The following ZNF274 variants were observed in gnomAD, a reference collection of about 807,000 sequenced individuals.
ZNF274 encodes zinc finger protein 274.
A neutral mutation model predicts 42.5 loss-of-function variants in ZNF274; 23 were observed. The ratio of observed to expected loss-of-function variants is 0.54; its 90% CI spans 0.39 to 0.77. ZNF274 has a LOEUF of 0.77. ZNF274 is among the 30% of genes least tolerant of loss of function. The probability of loss-of-function intolerance (pLI) is 0.00; values close to 1 mark genes in which losing one functional copy is unlikely to be tolerated. For missense variants in ZNF274, 679 were observed against 806.5 expected, an observed-to-expected ratio of 0.84 and a Z score of 1.91; for synonymous variants, 292 against 305.4, an observed-to-expected ratio of 0.96 and a Z score of 0.46.
At chr19:58,183,482 C>G (rs1202787634) in intron 1 of ZNF274, 40 bp downstream of exon 1, 1 of 153,566 alleles carries the variant, frequency 6.5e-6, no homozygotes, top group Admixed American at 6.5e-5. Context: ...GGGGGCTGCG[C>G]TGGGCGGGTC....
Position 58,213,191 on chromosome 19 carries a change from A to G in ZNF274, c.*48A>G, listed in dbSNP as rs763312506. The G allele has an allele frequency of 1.5e-5, 23 of 1,559,332 alleles. No homozygotes were observed. The highest frequency in any genetic ancestry group is 2.3e-5 in the East Asian group (1 of 44,436). ...CTTGCCTTTTCAGCTTGACCCTGCA[A>G]TATAACATGCACAGGCCTGCTTGTG... On this transcript the variant is annotated 3_prime_UTR_variant, in exon 8 of 8. Transcript: ENST00000617501.
At chr19:58,209,775 G>T in intron 5 of ZNF274, 186 bp from the exon 6 acceptor site, 1 of 531,870 alleles carries the variant, frequency 1.9e-6, no homozygotes, top group Non-Finnish European at 3.4e-6. Context: ...ATCCAGGTGT[G>T]GGCACTCGGG....
chr19:58,184,671 AGACAGGTGAGGATGGATCCCT>A, intron 2 of ZNF274: 1 of 152,464 alleles, frequency 6.6e-6, no homozygotes, highest in East Asian at 1.9e-4. Context: ...CAAGTAGAAA[AGACAGGTGAGGATGGATCCCT>A]GACAGGTGAA....
chr19:58,195,495 C>T (rs919613815), intron 4 of ZNF274, among the ~76,000 whole-genome samples: 5 of 151,812 alleles, frequency 3.3e-5, no homozygotes, highest in Admixed American at 2.0e-4. Flanking sequence ...GAGTGTGAGA[C>T]GGGGAACTGT....
intron 3 of ZNF274, chr19:58,186,256 A>G (rs1260777607): frequency 6.6e-6 from 1 of 152,146 alleles, no homozygotes; most frequent in Non-Finnish European, 1.5e-5. Context: ...GAGTAGCATC[A>G]AAGAGCCTGT....
In ZNF274 at chr19:58,211,600, G is replaced by T. The variant is rs757632139; in HGVS notation, c.893G>T (p.Arg298Leu). 4.3e-6 allele frequency: 7 copies of T among 1,613,714 alleles called. No individual in the cohort carries two copies. The highest frequency in any genetic ancestry group is 5.9e-6 in the Non-Finnish European group (7 of 1,179,738). The change falls in exon 7 of 8, where the codon CGG (arginine) becomes CTG (leucine). Residue 298 changes from arginine to leucine, a missense_variant. Arg to Leu is a moderately radical substitution (Grantham distance 102). Transcript: ENST00000617501. The surrounding 1 kb of genome is among the most constrained non-coding windows in gnomAD (Gnocchi z 4.8). ...TFQDVAVDFS[R>L]EEWGLLGPTQ... is the part of the protein sequence containing the mutation. ...CAGGATGTGGCTGTGGACTTCAGCC[G>T]GGAGGAGTGGGGGCTGCTGGGCCCG...
chr19:58,213,134 T>C lies in ZNF274; in HGVS notation c.1953T>C (p.Pro651=). The part of the protein sequence containing the change: ...HNRTKRKKKQ[P]TS ...GGACAAAGCGAAAGAAGAAACAGCC[T>C]ACCTCATAGCTCTCAAGCCAGTTGA... Residue 651 remains proline, a synonymous_variant, in exon 8 of 8, where the codon CCT becomes CCC. Transcript: ENST00000617501. 1 of 1,609,030 alleles carries C rather than the reference T, an allele frequency of 6.2e-7. No homozygotes were observed. Among genetic ancestry groups the C allele is most frequent in the Non-Finnish European group, 8.5e-7 (1 of 1,176,822 alleles).
At chr19:58,201,641 C>G (rs760564117) in intron 4 of ZNF274, among the ~76,000 whole-genome samples, 4 of 152,018 alleles carry the variant, frequency 2.6e-5, no homozygotes, top group Non-Finnish European at 5.9e-5. Context: ...CTCAGCCTCC[C>G]AGGTAGCTGG....
intron 3 of ZNF274, 41 bp downstream of exon 3, chr19:58,185,879 AG>A: frequency 2.3e-6 from 3 of 1,332,454 alleles, no homozygotes; most frequent in Non-Finnish European, 2.9e-6. Context: ...TGTGCTTTGT[AG>A]CACAAATGTA....
chr19:58,195,680 G>C (rs2075833491), intron 4 of ZNF274, among the ~76,000 whole-genome samples: 1 of 152,154 alleles, frequency 6.6e-6, no homozygotes, highest in South Asian at 2.1e-4. Context: ...TTGGCACTAG[G>C]GACCGGTTTT....
intron 4 of ZNF274, among the ~76,000 whole-genome samples, chr19:58,191,507 C>G (rs955419171): frequency 1.3e-5 from 2 of 152,214 alleles, no homozygotes; most frequent in African/African-American, 4.8e-5. Context: ...TGCGTTTCAT[C>G]CTTCTTGGAG....
chr19:58,186,003 AC>A, intron 3 of ZNF274, 165 bp downstream of exon 3: 1 of 464,268 alleles, frequency 2.2e-6, no homozygotes, highest in Non-Finnish European at 3.6e-6. Flanking sequence ...CTCCCTGAAT[AC>A]CAGGGAGATG....
intron 4 of ZNF274, among the ~76,000 whole-genome samples, chr19:58,188,694 G>GTATATGTATATGTATATGTATATGTA (rs1221412961): frequency 4.0e-5 from 3 of 74,656 alleles, no homozygotes; most frequent in African/African-American, 1.6e-4. Flanking sequence ...ATATGTATAT[G>GTATATGTATATGTATATGTATATGTA]TATATATATA....
chr19:58,209,874 G>A, intron 5 of ZNF274, 87 bp from the exon 6 acceptor site: 1 of 796,532 alleles, frequency 1.3e-6, no homozygotes, highest in Non-Finnish European at 2.0e-6. Flanking sequence ...GGGGTGCGGT[G>A]GCCCCATGGG....
In ZNF274 at chr19:58,207,121, TG is replaced by T; in HGVS notation, c.661del (p.Val221TrpfsTer16). The T allele has an allele frequency of 1.2e-6, 2 of 1,613,712 alleles. No individual in the cohort carries two copies. Among genetic ancestry groups the T allele is most frequent in the South Asian group, 1.1e-5 (1 of 90,962 alleles). ...LGALPVKLRT[W>X]VESQHPENCQ... ...TGCACTGCCTGTGAAGCTCCGGACA[TG>T]GGTGGAATCGCAGCACCCAGAGAAC... On this transcript the variant is annotated frameshift_variant, in exon 5 of 8. Coordinates refer to ENST00000617501, the MANE Select transcript of ZNF274 (RefSeq NM_133502.3). LOFTEE classifies it high-confidence loss of function. The surrounding 1 kb of genome is among the most constrained non-coding windows in gnomAD (Gnocchi z 5.6).
intron 2 of ZNF274, chr19:58,185,462 TA>T (rs1568695478): frequency 5.5e-6 from 1 of 181,906 alleles, no homozygotes; most frequent in Admixed American, 6.2e-5. Context: ...AATAAATAAA[TA>T]AAATGGACAG....
In ZNF274 at chr19:58,186,992, C is replaced by T. The variant is rs1409414589; in HGVS notation, c.206C>T (p.Ala69Val). 4.3e-6 allele frequency: 7 copies of T among 1,613,660 alleles called. No homozygotes were observed. The highest frequency in any genetic ancestry group is 5.9e-6 in the Non-Finnish European group (7 of 1,179,786). ...GATGTGGTATCTCAGTTAGAGGAGG[C>T]AGAAGATTTCTGGCCAGTGGAGAGA... ...KPDVVSQLEE[A>V]EDFWPVERGI... Residue 69 changes from alanine (A) to valine (V), a missense_variant, in exon 4 of 8, where the codon GCA (alanine) becomes GTA (valine). Ala to Val is a moderately conservative substitution (Grantham distance 64, BLOSUM62 0). Coordinates refer to ENST00000617501, the MANE Select transcript of ZNF274 (RefSeq NM_133502.3).
intron 4 of ZNF274, 149 bp from the exon 5 acceptor site, chr19:58,206,571 G>C: frequency 1.1e-6 from 1 of 912,896 alleles, no homozygotes; most frequent in Non-Finnish European, 1.6e-6. Context: ...ATCCTCTCCT[G>C]TTATCATCTG....
Position 58,185,718 on chromosome 19 carries a change from G to C in ZNF274, c.40G>C (p.Val14Leu). ...RLPTAWSCEP[V>L]TFEDVTLGFT... ...CAAGAATCTGGATTTTTAGGAACCA[G>C]TGACCTTTGAAGATGTAACACTGGG... The change falls in exon 3 of 8, where the codon GTG (valine) becomes CTG (leucine). Residue 14 changes from valine to leucine, a missense_variant. Around this residue, in one of 2 missense-constraint regions of ZNF274, gnomAD observed 223 missense variants for 216.4 expected, o/e 1.03. Coordinates refer to ENST00000617501, the MANE Select transcript of ZNF274 (RefSeq NM_133502.3). The C allele has an allele frequency of 1.4e-6, 2 of 1,444,018 alleles. No individual in the cohort carries two copies. Among genetic ancestry groups the C allele is most frequent in the East Asian group, 5.3e-5 (2 of 37,540 alleles). 89.5% of individuals were successfully genotyped at this position (1,444,018 alleles called of 1,614,324 possible).
Sources: gnomAD v4.1 joint callset for allele counts (sites outside exome capture counted in the v4.1 genomes callset) on GRCh38, gnomAD v4.1.1 for gene constraint, gnomAD v4.1.1 regional missense constraint, Gnocchi (gnomAD v3.1) non-coding constraint, MANE v1.5 for transcripts, NCBI Gene and HGNC (gene_info 2026-07-23, HGNC 2026-07-21) for gene names.